ARID2: variants seen among roughly 807,000 people sequenced by gnomAD.
ARID2 encodes the protein AT-rich interaction domain 2.
ARID2 carries 32 observed loss-of-function variants against 184.6 expected under a neutral mutation model. The ratio of observed to expected loss-of-function variants is 0.17; its 90% CI spans 0.13 to 0.23. The LOEUF is 0.23. Among genes scored for constraint, ARID2 ranks in the 10% least tolerant of loss-of-function variants. ARID2 has a pLI of 1.00. For synonymous variants in ARID2, 836 were observed against 772.6 expected (o/e 1.08, Z -1.36); for missense variants, 1,696 against 2,197.6 (o/e 0.77, Z 4.56).
At chr12:45,736,377 T>G (rs1215871995) in intron 3 of ARID2, among the ~76,000 whole-genome samples, 1 of 151,548 alleles carries the variant, frequency 6.6e-6, no homozygotes, top group Non-Finnish European at 1.5e-5. Context: ...AAAAAGTATA[T>G]TGCTACTAGA....
intron 4 of ARID2, among the ~76,000 whole-genome samples, chr12:45,813,454 G>A (rs1228618215): frequency 3.0e-5 from 3 of 101,312 alleles, no homozygotes; most frequent in African/African-American, 4.6e-5. Flanking sequence ...GCGTGCATGT[G>A]TTCTAAAAAA....
At chr12:45,751,009 T>C (rs547329685) in intron 3 of ARID2, among the ~76,000 whole-genome samples, 1 of 152,294 alleles carries the variant, frequency 6.6e-6, no homozygotes, top group South Asian at 2.1e-4. Flanking sequence ...TGATCACGTA[T>C]CTTGTGCTAG....
At chr12:45,774,723 A>G (rs572917037) in intron 3 of ARID2, among the ~76,000 whole-genome samples, 16 of 152,282 alleles carry the variant, frequency 1.1e-4, no homozygotes, top group Admixed American at 7.8e-4. Context: ...GTTACTGCCA[A>G]CACACTAGGC....
At chr12:45,865,147 G>A (rs1241036459) in intron 16 of ARID2, among the ~76,000 whole-genome samples, 1 of 152,060 alleles carries the variant, frequency 6.6e-6, no homozygotes, top group Non-Finnish European at 1.5e-5. Flanking sequence ...TAGTTTTCCT[G>A]CTCTCTGATA....
chr12:45,805,867 A>G (rs1024721881), intron 3 of ARID2, among the ~76,000 whole-genome samples: 2 of 152,132 alleles, frequency 1.3e-5, no homozygotes, highest in African/African-American at 4.8e-5. Flanking sequence ...ACTTATTCAT[A>G]TTGTAGCTGA....
chr12:45,799,861 T>C (rs1467654548), intron 3 of ARID2, among the ~76,000 whole-genome samples: 1 of 152,188 alleles, frequency 6.6e-6, no homozygotes. Flanking sequence ...TTCTTTTTTT[T>C]CCCCTTCAGA....
rs1040236967 is a variant in ARID2, at chr12:45,749,071, CAGA to C, written c.284+17760_284+17762del. Among the ~76,000 whole-genome samples the C allele has an allele frequency of 2.2e-4, 34 of 152,200 alleles. 1 individual carries two copies. Among genetic ancestry groups the C allele is most frequent in the African/African-American group, 8.2e-4 (34 of 41,444 alleles). ...GGCATCTAGAATGGTGAATCCTTTTCAGAAGGTTTTCAGACTACTTTGCTCACT... is the reference window on the plus strand; with the variant it reads ...GGCATCTAGAATGGTGAATCCTTTTCAGGTTTTCAGACTACTTTGCTCACT... On this transcript the variant is annotated intron_variant, in intron 3 of 20. Transcript: ENST00000334344.
At chr12:45,874,986 G>A (rs932894551) in intron 16 of ARID2, among the ~76,000 whole-genome samples, 3 of 152,162 alleles carry the variant, frequency 2.0e-5, no homozygotes, top group Non-Finnish European at 4.4e-5. Flanking sequence ...AGGTGGTGAT[G>A]GTGGCCCTTG....
At chr12:45,747,101 A>G (rs1451210853) in intron 3 of ARID2, among the ~76,000 whole-genome samples, 1 of 152,192 alleles carries the variant, frequency 6.6e-6, no homozygotes, top group Non-Finnish European at 1.5e-5. Context: ...ATCTAGGCAT[A>G]TTATACTGTC....
intron 6 of ARID2, among the ~76,000 whole-genome samples, chr12:45,823,206 G>A (rs781610697): frequency 1.8e-4 from 27 of 152,036 alleles, no homozygotes; most frequent in African/African-American, 6.3e-4. Context: ...GAAAATTAAC[G>A]TGCTCCTGAA....
At chr12:45,790,345 A>G (rs1592078132) in intron 3 of ARID2, among the ~76,000 whole-genome samples, 1 of 151,374 alleles carries the variant, frequency 6.6e-6, no homozygotes, top group Non-Finnish European at 1.5e-5. Context: ...TTATATTTGT[A>G]TGATATAGAT....
chr12:45,773,995 CT>C (rs1204054947), intron 3 of ARID2, among the ~76,000 whole-genome samples: 2 of 151,946 alleles, frequency 1.3e-5, no homozygotes, highest in South Asian at 2.1e-4. Flanking sequence ...TGAGTGGAAA[CT>C]TTTTTTTCAT....
chr12:45,810,712 T>A (rs905184708), intron 3 of ARID2, among the ~76,000 whole-genome samples: 31 of 152,170 alleles, frequency 2.0e-4, no homozygotes, highest in African/African-American at 7.5e-4. Flanking sequence ...CCTGTTGTTA[T>A]TGCTGATAAG....
chr12:45,733,549 G>A (rs2137966394), intron 3 of ARID2, among the ~76,000 whole-genome samples: 1 of 152,250 alleles, frequency 6.6e-6, no homozygotes. Context: ...AATATGAACT[G>A]CTTTTTCATT....
At chr12:45,835,647 A>G (rs1943206588) in intron 6 of ARID2, among the ~76,000 whole-genome samples, 1 of 152,200 alleles carries the variant, frequency 6.6e-6, no homozygotes, top group Admixed American at 6.5e-5. Flanking sequence ...CATGCCTGTA[A>G]TCCCAGCACT....
At chr12:45,875,435 A>G (rs118131780) in intron 16 of ARID2, among the ~76,000 whole-genome samples, 12 of 152,230 alleles carry the variant, frequency 7.9e-5, no homozygotes, top group African/African-American at 1.2e-4. Context: ...AGAATGGCCA[A>G]TGAGCATTGA....
chr12:45,777,499 C>A (rs1592069949), intron 3 of ARID2, among the ~76,000 whole-genome samples: 1 of 151,918 alleles, frequency 6.6e-6, no homozygotes, highest in Non-Finnish European at 1.5e-5. Flanking sequence ...ATCTTTGGGC[C>A]TTTCTTCTTA....
intron 3 of ARID2, among the ~76,000 whole-genome samples, chr12:45,765,833 TA>T (rs1020572379): frequency 9.8e-5 from 15 of 152,344 alleles, no homozygotes; most frequent in African/African-American, 3.6e-4. Flanking sequence ...TGCCCCTTTT[TA>T]ACCTCTGGCT....
intron 4 of ARID2, 137 bp from the exon 5 acceptor site, chr12:45,817,533 T>A (rs1348621605): frequency 2.5e-5 from 6 of 235,684 alleles, no homozygotes; most frequent in East Asian, 1.7e-4. Context: ...AGTTTATATT[T>A]TATATATATA....
Sources: allele counts gnomAD v4.1 joint callset (sites outside exome capture counted in the v4.1 genomes callset), GRCh38; gene constraint gnomAD v4.1.1; transcripts MANE v1.5; gene names NCBI Gene and HGNC (gene_info 2026-07-23, HGNC 2026-07-21).